SPRY3: variants seen among roughly 807,000 people sequenced by gnomAD.
SPRY3 encodes sprouty RTK signaling antagonist 3, also known as protein sprouty homolog 3.
A neutral mutation model predicts 20.2 loss-of-function variants in SPRY3; 15 were observed. The observed-to-expected ratio is 0.74, with a 90% confidence interval of 0.50 to 1.14. The LOEUF (loss-of-function observed/expected upper bound fraction) is 1.14, where lower values mean the gene tolerates loss of function less well. SPRY3 is among the 50% of genes most tolerant of loss of function. The pLI is 0.00. For synonymous variants in SPRY3, 143 were observed against 136.5 expected, an observed-to-expected ratio of 1.05 and a Z score of -0.33; for missense variants, 364 against 363.9, an observed-to-expected ratio of 1.00 and a Z score of 0.00.
intron 2 of SPRY3, among the ~76,000 whole-genome samples, chrX:155,705,434 A>G (rs1260023314): frequency 6.6e-6 from 1 of 151,454 alleles, no homozygotes; most frequent in Non-Finnish European, 1.5e-5. Context: ...GAAGGCAGAA[A>G]AGGAAGAATA....
chrX:155,739,077 T>C (rs2091187924), intron 2 of SPRY3, among the ~76,000 whole-genome samples: 1 of 151,916 alleles, frequency 6.6e-6, no homozygotes, highest in Non-Finnish European at 1.5e-5. Context: ...GCAGATGCCA[T>C]CTCTATGGTT....
chrX:155,654,731 GTGTA>G (rs1320227494), intron 1 of SPRY3, among the ~76,000 whole-genome samples: 2 of 74,253 alleles, frequency 2.7e-5, no homozygotes, highest in African/African-American at 9.7e-5. Flanking sequence ...GTGTGTGTGT[GTGTA>G]TAATATAAAA....
chrX:155,739,553 A>T (rs2091191846), intron 2 of SPRY3, among the ~76,000 whole-genome samples: 1 of 152,082 alleles, frequency 6.6e-6, no homozygotes, highest in African/African-American at 2.4e-5. Context: ...CTCCTAGAGG[A>T]GTGTTCAGAC....
intron 2 of SPRY3, among the ~76,000 whole-genome samples, chrX:155,716,918 G>A (rs2091026849): frequency 6.7e-6 from 1 of 148,202 alleles, no homozygotes; most frequent in Admixed American, 6.8e-5. Flanking sequence ...CGGATTGCCT[G>A]AGCTCAGAAG....
intron 2 of SPRY3, among the ~76,000 whole-genome samples, chrX:155,739,144 G>A (rs2091188476): frequency 6.6e-6 from 1 of 152,132 alleles, no homozygotes; most frequent in Non-Finnish European, 1.5e-5. Context: ...CAGACCAGCA[G>A]GAGTTCTCCA....
chrX:155,667,595 A>G (rs184689973), intron 2 of SPRY3, among the ~76,000 whole-genome samples: 70 of 111,402 alleles, frequency 6.3e-4, no homozygotes, highest in East Asian at 5.7e-4. Context: ...AGTAAGTTTG[A>G]CTGCTAGGGA....
At chrX:155,694,606 A>G (rs1212251316) in intron 2 of SPRY3, among the ~76,000 whole-genome samples, 1 of 111,811 alleles carries the variant, frequency 8.9e-6, no homozygotes, top group Non-Finnish European at 1.9e-5. Flanking sequence ...GTAATATATA[A>G]TGAAATAATT....
chrX:155,711,151 G>T (rs1470672391), intron 2 of SPRY3, among the ~76,000 whole-genome samples: 1 of 151,868 alleles, frequency 6.6e-6, no homozygotes, highest in East Asian at 1.9e-4. Flanking sequence ...GTCTAGTTTT[G>T]ATATCAGAGT....
rs149835696 is a variant in SPRY3, at chrX:155,735,562, G to A, written c.-281-32400G>A. ...GAATTGACCCCTTTATTATGTAATG[G>A]CCATTTTTATCCCTGAAGATTTTTC... is the stretch of plus-strand genomic sequence containing the variant. On this transcript the variant is annotated intron_variant, in intron 2 of 3. Transcript: ENST00000675360. 3.0e-3 allele frequency among the ~76,000 whole-genome samples: 460 copies of A among 152,034 alleles called. No individual in the cohort carries two copies. The Middle Eastern group carries it at 0.068, about 22-fold the overall frequency.
intron 1 of SPRY3, among the ~76,000 whole-genome samples, chrX:155,629,056 G>A (rs1202412776): frequency 9.2e-6 from 1 of 108,895 alleles, no homozygotes; most frequent in East Asian, 2.9e-4. Flanking sequence ...TAGGGTACAT[G>A]TGCACAATGT....
At chrX:155,716,295 T>C (rs2091021994) in intron 2 of SPRY3, among the ~76,000 whole-genome samples, 1 of 152,214 alleles carries the variant, frequency 6.6e-6, no homozygotes, top group Non-Finnish European at 1.5e-5. Flanking sequence ...GGAATCATAC[T>C]CTTCAACCCT....
At chrX:155,731,305 A>T (rs1035953672) in intron 2 of SPRY3, among the ~76,000 whole-genome samples, 1 of 152,150 alleles carries the variant, frequency 6.6e-6, no homozygotes, top group Non-Finnish European at 1.5e-5. Context: ...CTGGCATAAA[A>T]GCAGATACGT....
chrX:155,732,146 T>A (rs1020215745), intron 2 of SPRY3, among the ~76,000 whole-genome samples: 9 of 152,078 alleles, frequency 5.9e-5, no homozygotes, highest in Non-Finnish European at 1.2e-4. Context: ...AAATAGACGA[T>A]TCTGATGAGT....
At chrX:155,667,714 A>G (rs1307601580) in intron 2 of SPRY3, among the ~76,000 whole-genome samples, 2 of 111,242 alleles carry the variant, frequency 1.8e-5, no homozygotes, top group African/African-American at 6.5e-5. Flanking sequence ...TACAATACAT[A>G]CATTTGACAA....
intron 1 of SPRY3, among the ~76,000 whole-genome samples, chrX:155,632,642 A>G (rs782366656): frequency 8.0e-5 from 9 of 112,138 alleles, no homozygotes; most frequent in Admixed American, 1.9e-4. Flanking sequence ...AGAGAAAGTG[A>G]AAGTGTACAA....
intron 2 of SPRY3, among the ~76,000 whole-genome samples, chrX:155,705,990 A>C (rs1426596783): frequency 1.3e-5 from 2 of 151,318 alleles, no homozygotes; most frequent in Admixed American, 1.3e-4. Context: ...AAGGATATAG[A>C]AGATCTGAAC....
intron 2 of SPRY3, among the ~76,000 whole-genome samples, chrX:155,743,493 C>T (rs6655922): frequency 0.038 from 5,825 of 152,152 alleles, 128 homozygotes; most frequent in African/African-American, 0.053. Flanking sequence ...TCTTCCTGGG[C>T]CACAGTTTCT....
At chrX:155,627,951 T>C (rs1313968158) in intron 1 of SPRY3, among the ~76,000 whole-genome samples, 2 of 110,803 alleles carry the variant, frequency 1.8e-5, no homozygotes, top group Non-Finnish European at 3.8e-5. Flanking sequence ...GATGATGACT[T>C]CCAGCTTCAT....
At chrX:155,652,996 C>G (rs2067981690) in intron 1 of SPRY3, among the ~76,000 whole-genome samples, 1 of 111,586 alleles carries the variant, frequency 9.0e-6, no homozygotes, top group Non-Finnish European at 1.9e-5. Flanking sequence ...CATGTGCTTA[C>G]TGGCCATTTG....
Sources: gnomAD v4.1 joint callset for allele counts (sites outside exome capture counted in the v4.1 genomes callset) on GRCh38, gnomAD v4.1.1 for gene constraint, MANE v1.5 for transcripts, NCBI Gene and HGNC (gene_info 2026-07-23, HGNC 2026-07-21) for gene names.